The following MTAP variants were observed in gnomAD, a reference collection of about 807,000 sequenced individuals.
The protein encoded by MTAP is methylthioadenosine phosphorylase.
MTAP carries 33 observed loss-of-function variants against 33.6 expected under a neutral mutation model. The observed-to-expected ratio is 0.98, with a 90% CI of 0.74 to 1.31. The LOEUF (loss-of-function observed/expected upper bound fraction) is 1.31, where lower values mean the gene tolerates loss of function less well. MTAP is among the 40% of genes most tolerant of loss of function. The pLI is 0.00. For missense variants in MTAP, 367 were observed against 360.0 expected, an observed-to-expected ratio of 1.02 and a Z score of -0.16; for synonymous variants, 148 against 125.7, an observed-to-expected ratio of 1.18 and a Z score of -1.19.
In MTAP at chr9:21,916,768, G is replaced by A. The variant is rs184859085; in HGVS notation, c.148-14240G>A. ...GAAAAGAAGAACCTACATCGCTCCT[G>A]GATCCTTCGTAGAGAGCAAGGCACT... On this transcript the variant is annotated intron_variant, in intron 1 of 1. Transcript: ENST00000577563. Among the ~76,000 whole-genome samples the A allele has an allele frequency of 2.6e-5, 4 of 152,210 alleles. No individual in the cohort carries two copies. In the East Asian group the frequency reaches 7.7e-4, roughly 29 times the overall value.
At chr9:21,837,686 T>C (rs1467086034) in intron 4 of MTAP, among the ~76,000 whole-genome samples, 4 of 152,178 alleles carry the variant, frequency 2.6e-5, no homozygotes, top group Admixed American at 6.5e-5. Context: ...ACAGACACTT[T>C]AATTCTTGTT....
intron 5 of MTAP, among the ~76,000 whole-genome samples, chr9:21,850,874 C>T (rs796786882): frequency 6.6e-6 from 1 of 152,294 alleles, no homozygotes; most frequent in African/African-American, 2.4e-5. Context: ...CCTGAAGGCA[C>T]TTTGCTGTGC....
At chr9:21,912,862 C>G (rs201613941) in intron 1 of MTAP, among the ~76,000 whole-genome samples, 1 of 152,116 alleles carries the variant, frequency 6.6e-6, no homozygotes, top group African/African-American at 2.4e-5. Context: ...TGCAGATAAC[C>G]TGATTGTATA....
intron 5 of MTAP, among the ~76,000 whole-genome samples, chr9:21,842,789 C>T (rs1350875508): frequency 1.3e-5 from 2 of 152,190 alleles, no homozygotes; most frequent in East Asian, 3.9e-4. Flanking sequence ...CCTCAAAATA[C>T]ACCAAAATAG....
chr9:21,842,646 T>C (rs1026251308), intron 5 of MTAP, among the ~76,000 whole-genome samples: 1 of 152,216 alleles, frequency 6.6e-6, no homozygotes, highest in African/African-American at 2.4e-5. Flanking sequence ...AAGAATTTTG[T>C]ATCCAGTAAA....
At chr9:21,894,116 G>A (rs1818247077) in intron 1 of MTAP, among the ~76,000 whole-genome samples, 1 of 149,774 alleles carries the variant, frequency 6.7e-6, no homozygotes, top group South Asian at 2.1e-4. Flanking sequence ...CAATAAATAT[G>A]ATTTGTCACA....
At chr9:21,914,820 A>T in intron 1 of MTAP, among the ~76,000 whole-genome samples, 1 of 151,862 alleles carries the variant, frequency 6.6e-6, no homozygotes, top group Non-Finnish European at 1.5e-5. Flanking sequence ...ATCCCTGGGA[A>T]TCATATAGAT....
downstream of MTAP, among the ~76,000 whole-genome samples, chr9:21,938,422 A>C (rs548499932): frequency 6.6e-6 from 1 of 152,094 alleles, no homozygotes; most frequent in South Asian, 2.1e-4. Flanking sequence ...CTGGGCAAGA[A>C]AGTGAGACCT....
Position 21,802,646 on chromosome 9 carries a change from C to T in MTAP, c.-103C>T. On this transcript the variant is annotated 5_prime_UTR_variant, in exon 1 of 8. Coordinates refer to ENST00000644715, the MANE Select transcript of MTAP (RefSeq NM_002451.4). ...AGGCCCGCCCCTGGTCTCCGCACTG[C>T]TCACTCCCGCGCAGTGAGGTTGGCA... is the stretch of plus-strand genomic sequence containing the variant. The T allele has an allele frequency of 4.4e-6, 6 of 1,356,512 alleles. No individual in the cohort carries two copies. The highest frequency in any genetic ancestry group is 1.2e-5 in the South Asian group (1 of 81,780). The allele number at this position is 1,356,512 out of a possible 1,614,324, so 84.0% of individuals were successfully genotyped here.
Position 21,807,156 on chromosome 9 carries a change from C to G in MTAP, c.33+4375C>G, listed in dbSNP as rs191792627. On this transcript the variant is annotated intron_variant, in intron 1 of 7. Coordinates refer to ENST00000644715, the MANE Select transcript of MTAP (RefSeq NM_002451.4). Reference sequence around the variant, plus strand: ...TCCAGCCTGGGCGACAGAGTAAGATCCTGTCTCAAAATAATAATAATAATA... The same window carrying G: ...TCCAGCCTGGGCGACAGAGTAAGATGCTGTCTCAAAATAATAATAATAATA... 1.7e-3 allele frequency among the ~76,000 whole-genome samples: 254 copies of G among 152,226 alleles called. 1 individual carries two copies. The highest frequency in any genetic ancestry group is 9.7e-4 in the East Asian group (5 of 5,180).
At chr9:21,843,317 G>A (rs563370755) in intron 5 of MTAP, among the ~76,000 whole-genome samples, 1 of 152,146 alleles carries the variant, frequency 6.6e-6, no homozygotes, top group Admixed American at 6.5e-5. Flanking sequence ...ATAATAGTGG[G>A]GCACTTAAGT....
intron 1 of MTAP, among the ~76,000 whole-genome samples, chr9:21,899,322 T>C (rs1167800431): frequency 2.0e-5 from 3 of 150,794 alleles, no homozygotes; most frequent in African/African-American, 7.3e-5. Context: ...ACATGGCACA[T>C]GTATACATAT....
downstream of MTAP, chr9:21,931,858 T>G (rs1278181558): frequency 6.6e-6 from 1 of 152,190 alleles, no homozygotes; most frequent in Non-Finnish European, 1.5e-5. Flanking sequence ...CTCTGCCTTA[T>G]GCCCCTTGGA....
At chr9:21,929,589 A>G in intron 1 of MTAP, 1 of 368,660 alleles carries the variant, frequency 2.7e-6, no homozygotes, top group East Asian at 6.1e-5. Flanking sequence ...AATGCTGGTT[A>G]TGTACTAGCT....
chr9:21,913,338 A>G (rs1475847394), intron 1 of MTAP, among the ~76,000 whole-genome samples: 1 of 152,244 alleles, frequency 6.6e-6, no homozygotes, highest in East Asian at 1.9e-4. Flanking sequence ...CTAAGCCAAA[A>G]GAACAAAGCT....
chr9:21,832,515 C>G (rs1236035587), intron 4 of MTAP, among the ~76,000 whole-genome samples: 1 of 152,210 alleles, frequency 6.6e-6, no homozygotes, highest in Non-Finnish European at 1.5e-5. Flanking sequence ...GTCACCTCCA[C>G]CTTTATAGAG....
chr9:21,883,855 A>G (rs1818058100), intron 1 of MTAP, among the ~76,000 whole-genome samples: 1 of 152,014 alleles, frequency 6.6e-6, no homozygotes. Context: ...GCATACCCAT[A>G]CACACTAGCC....
chr9:21,856,237 C>T lies in MTAP; in HGVS notation c.690+1367C>T, dbSNP rs945122786. On this transcript the variant is annotated intron_variant, in intron 6 of 7. Coordinates refer to ENST00000644715, the MANE Select transcript of MTAP (RefSeq NM_002451.4). ...AGCACATTTAGGGTAAGTGACATCT[C>T]CAAAGAGGCCTAATATTGTACCACC... 4 of 909,122 alleles carry T rather than the reference C, an allele frequency of 4.4e-6. No individual in the cohort carries two copies. The African/African-American group carries it at 7.2e-5, about 16-fold the overall frequency. The allele number at this position is 909,122 out of a possible 1,614,324, so 56.3% of individuals were successfully genotyped here.
downstream of MTAP, chr9:21,935,043 T>TA (rs1819021060): frequency 6.6e-6 from 1 of 152,162 alleles, no homozygotes; most frequent in South Asian, 2.1e-4. Context: ...TTGGCTAACA[T>TA]ACATATGCTG....
Sources: gnomAD v4.1 joint callset for allele counts (sites outside exome capture counted in the v4.1 genomes callset) on GRCh38, gnomAD v4.1.1 for gene constraint, MANE v1.5 for transcripts, NCBI Gene and HGNC (gene_info 2026-07-23, HGNC 2026-07-21) for gene names.